VPS13B: variants seen among roughly 807,000 people sequenced by gnomAD.
VPS13B encodes the protein vacuolar protein sorting 13 homolog B.
VPS13B carries 285 observed loss-of-function variants against 426.4 expected under a neutral mutation model. The observed-to-expected ratio is 0.67, with a 90% confidence interval of 0.61 to 0.74. The LOEUF (loss-of-function observed/expected upper bound fraction) is 0.74. VPS13B is among the 30% of genes least tolerant of loss of function. The pLI is 0.00. For synonymous variants in VPS13B, 1,676 were observed against 1,676.4 expected, an observed-to-expected ratio of 1.00 and a Z score of 0.01; for missense variants, 4,537 against 4,782.6, an observed-to-expected ratio of 0.95 and a Z score of 1.51.
intron 33 of VPS13B, among the ~76,000 whole-genome samples, chr8:99,607,785 G>T (rs1827663985): frequency 1.3e-5 from 2 of 151,756 alleles, no homozygotes; most frequent in South Asian, 4.2e-4. Flanking sequence ...AAATTAAAAT[G>T]GGACATTTAA....
chr8:99,594,041 C>G (rs552046660), intron 33 of VPS13B, among the ~76,000 whole-genome samples: 107 of 151,888 alleles, frequency 7.0e-4, no homozygotes, highest in Non-Finnish European at 1.2e-3. Flanking sequence ...ATGTGACAAA[C>G]CTGCACATCC....
In VPS13B at chr8:99,820,532, T is replaced by G. The variant is rs531813105; in HGVS notation, c.8994+410T>G. On this transcript the variant is annotated intron_variant, in intron 49 of 61. Transcript: ENST00000357162. ...GATATTGAGGATTTCAGAGCAACTG[T>G]TTTTGTCAGGGACCCCTTTCCTTTA... Among the ~76,000 whole-genome samples the G allele has an allele frequency of 6.6e-5, 10 of 152,318 alleles. No homozygotes were observed. In the South Asian group the frequency reaches 2.1e-3, roughly 32 times the overall value.
chr8:99,642,016 T>G lies in VPS13B; in HGVS notation c.5426T>G (p.Phe1809Cys), dbSNP rs1829389744. 1 of 1,613,968 alleles carries G rather than the reference T, an allele frequency of 6.2e-7. No homozygotes were observed. Among genetic ancestry groups the G allele is most frequent in the Non-Finnish European group, 8.5e-7 (1 of 1,180,010 alleles). The change falls in exon 34 of 62, where the codon TTT becomes TGT. Residue 1809 changes from phenylalanine (F) to cysteine (C), a missense_variant. Coordinates refer to ENST00000357162, the MANE Select transcript of VPS13B (RefSeq NM_152564.5). The part of the protein sequence containing the change: ...RQSSIVKNLN[F>C]IPFDIFITAS... ...TCATCAATTGTAAAAAATCTAAATT[T>G]TATTCCCTTTGACATATTTATTACT...
intron 44 of VPS13B, among the ~76,000 whole-genome samples, chr8:99,812,632 G>A (rs1336080006): frequency 6.6e-6 from 1 of 152,082 alleles, no homozygotes; most frequent in African/African-American, 2.4e-5. Context: ...AATTTTGTGG[G>A]AACTTTGTAT....
chr8:99,818,700 T>C lies in VPS13B; in HGVS notation c.8446-13T>C. The C allele has an allele frequency of 6.2e-7, 1 of 1,613,488 alleles. No homozygotes were observed. The highest frequency in any genetic ancestry group is 8.5e-7 in the Non-Finnish European group (1 of 1,179,822). ...GCAAATATGAAAGTTGTTCTATCCT[T>C]TTATTTTTATAGATTGTGTTCAGCC... On this transcript the variant is annotated splice_polypyrimidine_tract_variant and intron_variant, in intron 46 of 61. Transcript: ENST00000357162.
chr8:99,093,061 T>C (rs1308564717), intron 3 of VPS13B, among the ~76,000 whole-genome samples: 1 of 152,034 alleles, frequency 6.6e-6, no homozygotes, highest in Non-Finnish European at 1.5e-5. Context: ...GCACTTATTT[T>C]TAAAATTACA....
chr8:99,201,768 A>G (rs1036659755), intron 17 of VPS13B, among the ~76,000 whole-genome samples: 1 of 152,196 alleles, frequency 6.6e-6, no homozygotes, highest in African/African-American at 2.4e-5. Context: ...ACATATAAAT[A>G]CTGGTTTAGT....
intron 35 of VPS13B, among the ~76,000 whole-genome samples, chr8:99,668,285 G>A (rs1387697664): frequency 6.6e-6 from 1 of 151,330 alleles, no homozygotes; most frequent in African/African-American, 2.4e-5. Flanking sequence ...GAGCCCATGA[G>A]GTCAAGGCTG....
chr8:99,809,440 T>C lies in VPS13B; in HGVS notation c.8007T>C (p.His2669=). 1 of 1,614,050 alleles carries C rather than the reference T, an allele frequency of 6.2e-7. No homozygotes were observed. Among genetic ancestry groups the C allele is most frequent in the Non-Finnish European group, 8.5e-7 (1 of 1,179,976 alleles). The change falls in exon 44 of 62, where the codon CAT becomes CAC. Residue 2669 remains histidine (H), a synonymous_variant. Transcript: ENST00000357162. ...GGTCAGAGCCTTTCAGTGTGGACCATGCCGGGACTTTTATTAGAACAATTC... is the reference window on the plus strand; with the variant it reads ...GGTCAGAGCCTTTCAGTGTGGACCACGCCGGGACTTTTATTAGAACAATTC... ...WRWSEPFSVD[H]AGTFIRTIQY... is the part of the protein sequence containing the mutation.
At chr8:99,257,057 TG>T (rs1817782335) in intron 17 of VPS13B, among the ~76,000 whole-genome samples, 1 of 152,152 alleles carries the variant, frequency 6.6e-6, no homozygotes, top group African/African-American at 2.4e-5. Context: ...AAAAGACATA[TG>T]AATCAAAGTT....
chr8:99,755,376 A>G (rs984031996), intron 39 of VPS13B, among the ~76,000 whole-genome samples: 1 of 152,212 alleles, frequency 6.6e-6, no homozygotes, highest in Non-Finnish European at 1.5e-5. Context: ...TTCACTAATC[A>G]ATTGGAGACT....
chr8:99,200,620 GATTTTC>G (rs1814257127), intron 17 of VPS13B, among the ~76,000 whole-genome samples: 1 of 151,874 alleles, frequency 6.6e-6, no homozygotes. Flanking sequence ...GCATCATTAT[GATTTTC>G]ATTTTCATTT....
intron 30 of VPS13B, among the ~76,000 whole-genome samples, chr8:99,527,478 A>G (rs982276892): frequency 6.6e-5 from 10 of 152,068 alleles, no homozygotes; most frequent in Non-Finnish European, 8.8e-5. Context: ...TATAACTGCC[A>G]GCTCCTGGAT....
chr8:99,743,896 AT>A (rs1348384640), intron 39 of VPS13B, among the ~76,000 whole-genome samples: 5 of 152,356 alleles, frequency 3.3e-5, no homozygotes, highest in African/African-American at 1.2e-4. Context: ...AGGCAATACC[AT>A]TCAGGACATA....
At chr8:99,547,141 G>C (rs923545821) in intron 30 of VPS13B, among the ~76,000 whole-genome samples, 1 of 151,988 alleles carries the variant, frequency 6.6e-6, no homozygotes, top group Non-Finnish European at 1.5e-5. Flanking sequence ...AGATAAAAAA[G>C]GGAAAAGAGG....
intron 17 of VPS13B, among the ~76,000 whole-genome samples, chr8:99,238,176 A>G (rs1002307057): frequency 6.6e-6 from 1 of 152,108 alleles, no homozygotes; most frequent in African/African-American, 2.4e-5. Flanking sequence ...AGTGCCCTAT[A>G]CTTCCACTGT....
chr8:99,666,778 T>G (rs1452138333), intron 35 of VPS13B, among the ~76,000 whole-genome samples: 3 of 152,128 alleles, frequency 2.0e-5, no homozygotes, highest in African/African-American at 7.2e-5. Flanking sequence ...TTACCACTCC[T>G]ATTCAACATA....
At chr8:99,274,520 T>G (rs1455430902) in intron 18 of VPS13B, among the ~76,000 whole-genome samples, 188 bp downstream of exon 18, 1 of 151,300 alleles carries the variant, frequency 6.6e-6, no homozygotes, top group East Asian at 1.9e-4. Flanking sequence ...AATTTTTATT[T>G]AGGGAAAAAT....
intron 16 of VPS13B, among the ~76,000 whole-genome samples, chr8:99,176,836 G>T (rs1350495880): frequency 6.6e-6 from 1 of 152,208 alleles, no homozygotes; most frequent in Admixed American, 6.5e-5. Flanking sequence ...AAAGCAAAGA[G>T]AAGATGAAGG....
Sources: allele counts gnomAD v4.1 joint callset (sites outside exome capture counted in the v4.1 genomes callset), GRCh38; gene constraint gnomAD v4.1.1; transcripts MANE v1.5; gene names NCBI Gene and HGNC (gene_info 2026-07-23, HGNC 2026-07-21).